The following LIPM variants were observed in gnomAD, a reference collection of about 807,000 sequenced individuals.
LIPM encodes lipase family member M.
LIPM carries 42 observed loss-of-function variants against 42.4 expected under a neutral mutation model. The observed-to-expected ratio is 0.99, with a 90% CI of 0.77 to 1.28. LIPM has a LOEUF of 1.28. Among genes scored for constraint, LIPM ranks in the 50% most tolerant of loss-of-function variants. LIPM has a pLI of 0.00. For missense variants in LIPM, 524 were observed against 520.1 expected (o/e 1.01, Z -0.07); for synonymous variants, 177 against 173.3 (o/e 1.02, Z -0.17).
chr10:88,813,764 T>G (rs991480715), intron 3 of LIPM, among the ~76,000 whole-genome samples: 3 of 152,094 alleles, frequency 2.0e-5, no homozygotes. Flanking sequence ...TCAGCGGGGC[T>G]GGGGAGGCCT....
intron 1 of LIPM, among the ~76,000 whole-genome samples, chr10:88,805,349 G>A (rs1667007699): frequency 6.6e-6 from 1 of 152,192 alleles, no homozygotes; most frequent in Admixed American, 6.5e-5. Flanking sequence ...TGCTTGAGAG[G>A]GTGGTAGCAA....
chr10:88,807,425 C>A (rs1453574211), intron 1 of LIPM, among the ~76,000 whole-genome samples: 1 of 151,996 alleles, frequency 6.6e-6, no homozygotes, highest in Non-Finnish European at 1.5e-5. Flanking sequence ...TTAAAGCAGC[C>A]CCTGATGCAA....
intron 7 of LIPM, 104 bp from the exon 8 acceptor site, chr10:88,817,721 T>C (rs1225838576): frequency 4.2e-6 from 3 of 712,662 alleles, no homozygotes; most frequent in Admixed American, 4.7e-5. Context: ...ACCATTGCTC[T>C]CTCCTTCCCT....
At chr10:88,808,250 T>C in intron 1 of LIPM, 48 bp from the exon 2 acceptor site, 3 of 1,036,830 alleles carry the variant, frequency 2.9e-6, no homozygotes, top group Non-Finnish European at 4.4e-6. Context: ...TCATTGAGAA[T>C]ATGGCCACAG....
intron 1 of LIPM, among the ~76,000 whole-genome samples, 194 bp from the exon 2 acceptor site, chr10:88,808,104 G>C (rs767568973): frequency 1.3e-5 from 2 of 152,046 alleles, no homozygotes; most frequent in Non-Finnish European, 2.9e-5. Flanking sequence ...ATTCTATTCC[G>C]GTTTCCATAT....
rs1166842429 is a variant in LIPM at position 88,820,514 on chromosome 10, T to C, written c.*13T>C. 1.9e-6 allele frequency: 3 copies of C among 1,546,164 alleles called. No individual in the cohort carries two copies. Among genetic ancestry groups the C allele is most frequent in the African/African-American group, 2.7e-5 (2 of 73,128 alleles). On this transcript the variant is annotated 3_prime_UTR_variant, in exon 9 of 9. Coordinates refer to ENST00000404743, the MANE Select transcript of LIPM (RefSeq NM_001128215.1). ...GGCCGTATTGTGAAGCATCTGACACTGACGATCTTAGGACAACCTCCTGAG... is the reference window on the plus strand; with the variant it reads ...GGCCGTATTGTGAAGCATCTGACACCGACGATCTTAGGACAACCTCCTGAG...
intron 1 of LIPM, among the ~76,000 whole-genome samples, chr10:88,806,797 TC>T (rs1194443370): frequency 1.3e-5 from 2 of 152,044 alleles, no homozygotes; most frequent in Non-Finnish European, 2.9e-5. Context: ...CAATTCCTCT[TC>T]CTCAGCCTCC....
At chr10:88,805,212 A>G (rs1209835556) in intron 1 of LIPM, among the ~76,000 whole-genome samples, 1 of 152,256 alleles carries the variant, frequency 6.6e-6, no homozygotes, top group Non-Finnish European at 1.5e-5. Context: ...CAGGAAGGAC[A>G]GATCATCAAT....
chr10:88,817,955 C>A (rs187410893), intron 8 of LIPM, 59 bp downstream of exon 8: 22 of 1,248,978 alleles, frequency 1.8e-5, no homozygotes, highest in Non-Finnish European at 2.3e-5. Context: ...ATGACAGGGA[C>A]GTTATAATGA....
chr10:88,808,832 C>T (rs1843619392), intron 2 of LIPM, among the ~76,000 whole-genome samples: 1 of 152,114 alleles, frequency 6.6e-6, no homozygotes, highest in South Asian at 2.1e-4. Flanking sequence ...TATTCCTCAT[C>T]TAAAGAGCAC....
intron 6 of LIPM, among the ~76,000 whole-genome samples, chr10:88,815,764 A>C (rs1204181228): frequency 6.6e-6 from 1 of 152,246 alleles, no homozygotes; most frequent in African/African-American, 2.4e-5. Context: ...CAGTGAATTA[A>C]ATTAAAAAGA....
At chr10:88,805,400 G>A (rs1422136333) in intron 1 of LIPM, among the ~76,000 whole-genome samples, 1 of 152,222 alleles carries the variant, frequency 6.6e-6, no homozygotes, top group Non-Finnish European at 1.5e-5. Context: ...CTAAGAACAT[G>A]CCAGATTCAA....
Position 88,815,370 on chromosome 10 carries a change from A to G in LIPM, c.725A>G (p.Lys242Arg), listed in dbSNP as rs534491414. The G allele has an allele frequency of 3.2e-6, 5 of 1,551,630 alleles. No homozygotes were observed. The South Asian group carries it at 4.8e-5, about 15-fold the overall frequency. Residue 242 changes from lysine (K) to arginine (R), a missense_variant, in exon 6 of 9, where the codon AAA becomes AGA. By Grantham distance (26) the Lys-to-Arg change is conservative. Transcript: ENST00000404743. The stretch of plus-strand genomic sequence containing the variant: ...ATATTTTCACAGGGATTGTTTGGCA[A>G]AAAAGAATTTCTGTATCAGACCAGA... ...PDMMIKGLFG[K>R]KEFLYQTRFL...
rs1372918508 is a variant in LIPM at position 88,802,984 on chromosome 10, AAT to A, written c.89_90del (p.Asn30SerfsTer9). ...TCTGGTGGCGTATATGTTCCAGAGA[AAT>A]GTGAATTCAGTACATATGCCAACTA... ...LILVAYMFQR[N>X]VNSVHMPTKA... On this transcript the variant is annotated frameshift_variant, in exon 1 of 9. Transcript: ENST00000404743. LOFTEE classifies it high-confidence loss of function. 3 of 1,551,500 alleles carry A rather than the reference AAT, an allele frequency of 1.9e-6. No individual in the cohort carries two copies. Among genetic ancestry groups the A allele is most frequent in the Non-Finnish European group, 2.6e-6 (3 of 1,146,706 alleles).
At chr10:88,819,972 G>C (rs1843767054) in intron 8 of LIPM, among the ~76,000 whole-genome samples, 1 of 152,192 alleles carries the variant, frequency 6.6e-6, no homozygotes, top group African/African-American at 2.4e-5. Flanking sequence ...ATGTTTTTAT[G>C]TGTTTTGTCA....
chr10:88,813,162 C>T lies in LIPM; in HGVS notation c.331C>T (p.Leu111=). The change falls in exon 3 of 9, where the codon CTG becomes TTG. Residue 111 remains leucine (L), a synonymous_variant. Coordinates refer to ENST00000404743, the MANE Select transcript of LIPM (RefSeq NM_001128215.1). ...AGGTGCTAGCAACTGGATTTCCAAC[C>T]TGCCCAACAATAGCCTGGGCTTCAT... is the stretch of plus-strand genomic sequence containing the variant. ...VGGASNWISN[L]PNNSLGFILA... 12 of 1,612,936 alleles carry T rather than the reference C, an allele frequency of 7.4e-6. No individual in the cohort carries two copies. The highest frequency in any genetic ancestry group is 1.0e-5 in the Non-Finnish European group (12 of 1,179,404).
intron 1 of LIPM, among the ~76,000 whole-genome samples, chr10:88,804,744 C>T (rs968427199): frequency 3.3e-5 from 5 of 152,138 alleles, no homozygotes; most frequent in Non-Finnish European, 4.4e-5. Context: ...GTTACTGTCC[C>T]GTTTCTGGAG....
At chr10:88,809,246 C>T (rs7072876) in intron 2 of LIPM, among the ~76,000 whole-genome samples, 13,126 of 152,146 alleles carry the variant, frequency 0.086, 1,260 homozygotes, top group African/African-American at 0.23. Flanking sequence ...TGAGCCACCG[C>T]GCCTGGCTAT....
rs762623894 is a variant in LIPM, at chr10:88,813,311, G to A, written c.464+16G>A. The A allele has an allele frequency of 7.1e-6, 11 of 1,541,128 alleles. No individual in the cohort carries two copies. Among genetic ancestry groups the A allele is most frequent in the African/African-American group, 2.8e-5 (2 of 72,122 alleles). On this transcript the variant is annotated intron_variant, in intron 3 of 8. Coordinates refer to ENST00000404743, the MANE Select transcript of LIPM (RefSeq NM_001128215.1). Reference sequence around the variant, plus strand: ...GGGCTTTCAGGTATATGATAATCTCGAGAACAGAGGTAGACATGTCTGTCT... The same window carrying A: ...GGGCTTTCAGGTATATGATAATCTCAAGAACAGAGGTAGACATGTCTGTCT...
Sources: allele counts gnomAD v4.1 joint callset (sites outside exome capture counted in the v4.1 genomes callset), GRCh38; gene constraint gnomAD v4.1.1; transcripts MANE v1.5; gene names NCBI Gene and HGNC (gene_info 2026-07-23, HGNC 2026-07-21).